PPM1L: variants seen among roughly 807,000 people sequenced by gnomAD.
PPM1L encodes the protein protein phosphatase 1L.
Under a neutral mutation model 31.4 loss-of-function variants are expected in PPM1L, and 13 were observed. The ratio of observed to expected loss-of-function variants is 0.41; its 90% CI spans 0.27 to 0.66. The LOEUF is 0.66. Among genes scored for constraint, PPM1L ranks in the 30% least tolerant of loss-of-function variants. The pLI, the probability that PPM1L is intolerant of heterozygous loss-of-function variation, is 0.29. For missense variants in PPM1L, 326 were observed against 453.7 expected, an observed-to-expected ratio of 0.72 and a Z score of 2.56; for synonymous variants, 184 against 175.4, an observed-to-expected ratio of 1.05 and a Z score of -0.39.
chr3:160,981,302 G>A lies in PPM1L; in HGVS notation c.574+19392G>A, dbSNP rs202065312. 2.6e-5 allele frequency among the ~76,000 whole-genome samples: 4 copies of A among 152,126 alleles called. No individual in the cohort carries two copies. The East Asian group carries it at 7.7e-4, about 29-fold the overall frequency. The stretch of plus-strand genomic sequence containing the variant: ...GTTGCATTCAAGCTGTCAGCCAGGG[G>A]AGCAGTCTCTGAAGATTTAACTGGG... On this transcript the variant is annotated intron_variant, in intron 2 of 3. Transcript: ENST00000498165.
intron 1 of PPM1L, among the ~76,000 whole-genome samples, chr3:160,925,203 C>T (rs1262594176): frequency 6.6e-6 from 1 of 152,158 alleles, no homozygotes; most frequent in African/African-American, 2.4e-5. Context: ...TGCTCTACAA[C>T]TCTGATTTAC....
Position 160,848,526 on chromosome 3 carries a change from T to G in PPM1L, c.399+91819T>G, listed in dbSNP as rs1046945402. On this transcript the variant is annotated intron_variant, in intron 1 of 3. Transcript: ENST00000498165. ...TCAACTATTACATGTCAACAGGCTATTCTTCTGGCTGCTTCTTAAGTGTTT... is the reference window on the plus strand; with the variant it reads ...TCAACTATTACATGTCAACAGGCTAGTCTTCTGGCTGCTTCTTAAGTGTTT... Among the ~76,000 whole-genome samples, 7 of 152,350 alleles carry G rather than the reference T, an allele frequency of 4.6e-5. No homozygotes were observed. In the East Asian group the frequency reaches 1.3e-3, roughly 29 times the overall value.
chr3:161,045,294 C>T (rs1399245669), intron 2 of PPM1L, among the ~76,000 whole-genome samples: 3 of 152,324 alleles, frequency 2.0e-5, no homozygotes, highest in East Asian at 3.9e-4. Context: ...ACAGAGCGCT[C>T]CACCACAAAT....
Position 161,030,593 on chromosome 3 carries a change from A to G in PPM1L, c.575-34810A>G, listed in dbSNP as rs116416538. 1.8e-3 allele frequency among the ~76,000 whole-genome samples: 273 copies of G among 152,328 alleles called. 1 individual carries two copies. The highest frequency in any genetic ancestry group is 6.3e-3 in the African/African-American group (263 of 41,578). Reference sequence around the variant, plus strand: ...TGTCACTATTATAATAATATCAATAACCAAGAGATGCCAAAGTGGGAATTT... The same window carrying G: ...TGTCACTATTATAATAATATCAATAGCCAAGAGATGCCAAAGTGGGAATTT... On this transcript the variant is annotated intron_variant, in intron 2 of 3. Transcript: ENST00000498165.
intron 1 of PPM1L, among the ~76,000 whole-genome samples, chr3:160,807,564 A>C (rs1188870758): frequency 6.6e-6 from 1 of 152,190 alleles, no homozygotes; most frequent in African/African-American, 2.4e-5. Context: ...AGACAGACAA[A>C]AACAGAACAT....
chr3:161,078,523 CG>C lies in PPM1L; in HGVS notation c.*9367del, dbSNP rs1288492791. ...GACTGTAAAATCAATCAGGCTTTCT[CG>C]TAAGTTATTTCCTGAAAACCATCCA... On this transcript the variant is annotated 3_prime_UTR_variant, in exon 4 of 4. Transcript: ENST00000498165. 5 of 152,242 alleles carry C rather than the reference CG, an allele frequency of 3.3e-5. No individual in the cohort carries two copies. The highest frequency in any genetic ancestry group is 2.6e-4 in the Admixed American group (4 of 15,300). The allele number at this position is 152,242 out of a possible 1,614,324, so 9.4% of individuals were successfully genotyped here. A position where few individuals can be genotyped will look rare whatever the true frequency, so the allele number is the denominator to read the frequency against.
chr3:160,940,597 C>T (rs1715134611), intron 1 of PPM1L, among the ~76,000 whole-genome samples: 1 of 152,192 alleles, frequency 6.6e-6, no homozygotes, highest in Non-Finnish European at 1.5e-5. Context: ...CAAGCCTTGG[C>T]AGCTTTCATG....
intron 2 of PPM1L, among the ~76,000 whole-genome samples, chr3:160,978,715 A>G (rs1716691682): frequency 3.9e-5 from 6 of 152,148 alleles, no homozygotes; most frequent in Admixed American, 3.9e-4. Flanking sequence ...CCATAGTCCC[A>G]GTTACCCAGG....
At chr3:160,820,472 T>C (rs892147957) in intron 1 of PPM1L, among the ~76,000 whole-genome samples, 5 of 152,074 alleles carry the variant, frequency 3.3e-5, no homozygotes, top group African/African-American at 4.8e-5. Context: ...TTAGTCCTCA[T>C]ATTACCCCTA....
intron 2 of PPM1L, among the ~76,000 whole-genome samples, chr3:161,001,744 G>C (rs1228641911): frequency 6.6e-6 from 1 of 151,986 alleles, no homozygotes; most frequent in East Asian, 1.9e-4. Flanking sequence ...TTAGGATTAG[G>C]ATTGGAAAAG....
intron 2 of PPM1L, among the ~76,000 whole-genome samples, chr3:161,016,599 G>T (rs927471113): frequency 6.6e-6 from 1 of 152,204 alleles, no homozygotes; most frequent in Non-Finnish European, 1.5e-5. Flanking sequence ...TTATAAGATA[G>T]ATGAGGAACT....
intron 1 of PPM1L, among the ~76,000 whole-genome samples, chr3:160,926,479 A>G (rs1714593882): frequency 6.6e-6 from 1 of 152,178 alleles, no homozygotes; most frequent in African/African-American, 2.4e-5. Flanking sequence ...TTTCATTTCG[A>G]TAAGGCAGTC....
At position 161,014,666 on chromosome 3, in the gene PPM1L, G is replaced by C. The variant is rs187846507; in HGVS notation, c.575-50737G>C. 1.2e-3 allele frequency among the ~76,000 whole-genome samples: 176 copies of C among 151,986 alleles called. 1 individual carries two copies. Among genetic ancestry groups the C allele is most frequent in the South Asian group, 2.5e-3 (12 of 4,816 alleles). ...ACTTTTATATTTTTAGTAGAGATGG[G>C]GTTTCACCTTGGTCAGCCTTGTCTC... On this transcript the variant is annotated intron_variant, in intron 2 of 3. Coordinates refer to ENST00000498165, the MANE Select transcript of PPM1L (RefSeq NM_139245.4).
chr3:160,895,852 C>CT (rs1377399943), intron 1 of PPM1L, among the ~76,000 whole-genome samples: 1 of 152,090 alleles, frequency 6.6e-6, no homozygotes, highest in Admixed American at 6.5e-5. Context: ...AAATTGGTAC[C>CT]TAGGGATCAA....
chr3:161,060,313 G>T (rs970179623), intron 2 of PPM1L, among the ~76,000 whole-genome samples: 1 of 152,130 alleles, frequency 6.6e-6, no homozygotes, highest in Non-Finnish European at 1.5e-5. Context: ...ATGACAAAAA[G>T]GTTGGCATGT....
intron 1 of PPM1L, among the ~76,000 whole-genome samples, chr3:160,827,481 G>GTA (rs1713391695): frequency 6.6e-6 from 1 of 150,576 alleles, no homozygotes; most frequent in Non-Finnish European, 1.5e-5. Flanking sequence ...GTGTGTGTGT[G>GTA]TGTATGTATG....
At chr3:160,761,427 A>G (rs1240917407) in intron 1 of PPM1L, among the ~76,000 whole-genome samples, 1 of 152,160 alleles carries the variant, frequency 6.6e-6, no homozygotes, top group Non-Finnish European at 1.5e-5. Flanking sequence ...ATTATATTAT[A>G]TAGTGTCATT....
At chr3:160,796,247 A>T (rs1712245437) in intron 1 of PPM1L, among the ~76,000 whole-genome samples, 3 of 152,152 alleles carry the variant, frequency 2.0e-5, no homozygotes, top group Admixed American at 2.0e-4. Flanking sequence ...CTCCTTTTGG[A>T]TTTGCATATT....
At chr3:161,025,379 C>T (rs890177538) in intron 2 of PPM1L, among the ~76,000 whole-genome samples, 6 of 152,014 alleles carry the variant, frequency 3.9e-5, no homozygotes, top group South Asian at 2.1e-4. Flanking sequence ...GCCTGGAAAA[C>T]ATAGTAAGAA....
Sources: gnomAD v4.1 joint callset for allele counts (sites outside exome capture counted in the v4.1 genomes callset) on GRCh38, gnomAD v4.1.1 for gene constraint, MANE v1.5 for transcripts, NCBI Gene and HGNC (gene_info 2026-07-23, HGNC 2026-07-21) for gene names.